INO80: variants seen among roughly 807,000 people sequenced by gnomAD.
INO80 encodes the protein INO80 complex ATPase subunit.
INO80 carries 20 observed loss-of-function variants against 203.4 expected under a neutral mutation model. The ratio of observed to expected loss-of-function variants is 0.10; its 90% CI spans 0.07 to 0.14. The LOEUF is 0.14. Ranked by LOEUF, INO80 falls within the 10% of genes least tolerant of loss-of-function variation. The pLI is 1.00. For missense variants in INO80, 1,419 were observed against 1,914.4 expected, an observed-to-expected ratio of 0.74 and a Z score of 4.83; for synonymous variants, 726 against 685.2, an observed-to-expected ratio of 1.06 and a Z score of -0.93.
intron 19 of INO80, among the ~76,000 whole-genome samples, chr15:41,050,721 T>G (rs1222537747): frequency 1.3e-5 from 2 of 152,214 alleles, no homozygotes; most frequent in African/African-American, 2.4e-5. Context: ...TCCAGTTTCT[T>G]CCGGTTGTGA....
chr15:41,049,139 A>G (rs2044818941), intron 21 of INO80, 148 bp downstream of exon 21: 1 of 636,108 alleles, frequency 1.6e-6, no homozygotes, highest in East Asian at 3.0e-5. Flanking sequence ...AATTCCTTCC[A>G]TAAGATCCCT....
chr15:40,997,725 CT>C (rs760746514), intron 28 of INO80, 124 bp from the exon 29 acceptor site: 12 of 644,018 alleles, frequency 1.9e-5, no homozygotes, highest in Non-Finnish European at 3.4e-5. Flanking sequence ...TGGTGGTTAC[CT>C]AGGCCTGACT....
chr15:40,983,982 C>T (rs1372689114), intron 33 of INO80, 61 bp from the exon 34 acceptor site: 3 of 1,563,812 alleles, frequency 1.9e-6, no homozygotes, highest in Non-Finnish European at 2.6e-6. Context: ...TGGCCTTGCA[C>T]CCAGCTAGGA....
At chr15:41,097,088 CTTGT>C (rs750932192) in intron 1 of INO80, among the ~76,000 whole-genome samples, 144 of 152,332 alleles carry the variant, frequency 9.5e-4, no homozygotes, top group Non-Finnish European at 1.6e-3. Context: ...CCACCACTTT[CTTGT>C]TTGTTTTTGT....
Position 40,979,040 on chromosome 15 carries a change from T to C in INO80, c.*1183A>G, listed in dbSNP as rs144066616. On this transcript the variant is annotated 3_prime_UTR_variant, in exon 36 of 36. Coordinates refer to ENST00000648947, the MANE Select transcript of INO80 (RefSeq NM_017553.3). The stretch of plus-strand genomic sequence containing the variant: ...TTTTTCTGATTCCCTCTAAATAGCA[T>C]CTGTACACAGGAATCTGGGTTTGAG... 1 of 152,636 alleles carries C rather than the reference T, an allele frequency of 6.6e-6. No homozygotes were observed. The highest frequency in any genetic ancestry group is 2.1e-4 in the South Asian group (1 of 4,828). The allele number at this position is 152,636 out of a possible 1,614,324, so 9.5% of individuals were successfully genotyped here. A position where few individuals can be genotyped will look rare whatever the true frequency, so the allele number is the denominator to read the frequency against.
intron 27 of INO80, among the ~76,000 whole-genome samples, chr15:41,012,735 T>A (rs898436531): frequency 6.6e-6 from 1 of 152,130 alleles, no homozygotes; most frequent in African/African-American, 2.4e-5. Context: ...TTTTTGTTTT[T>A]CTTAGTGCCC....
intron 24 of INO80, among the ~76,000 whole-genome samples, chr15:41,032,063 G>GCACAGCACAGCACAGCACAGC (rs1303342631): frequency 5.1e-5 from 3 of 58,962 alleles, no homozygotes; most frequent in African/African-American, 1.7e-4. Context: ...CACAGCACAG[G>GCACAGCACAGCACAGCACAGC]ACAGCACAGG....
intron 24 of INO80, among the ~76,000 whole-genome samples, chr15:41,038,537 C>G (rs1160747955): frequency 6.6e-6 from 1 of 152,172 alleles, no homozygotes; most frequent in East Asian, 1.9e-4. Context: ...TAATCTCACT[C>G]TTTAGTTTTT....
intron 12 of INO80, 109 bp downstream of exon 12, chr15:41,071,740 C>A: frequency 1.0e-6 from 1 of 983,526 alleles, no homozygotes; most frequent in Non-Finnish European, 1.5e-6. Flanking sequence ...GAATTGCAGG[C>A]ATGAGCCACC....
intron 19 of INO80, among the ~76,000 whole-genome samples, chr15:41,051,313 C>T (rs993781204): frequency 3.3e-5 from 5 of 151,754 alleles, no homozygotes; most frequent in Non-Finnish European, 5.9e-5. Flanking sequence ...CCCCCATTCC[C>T]ACCATATTTT....
intron 4 of INO80, 119 bp from the exon 5 acceptor site, chr15:41,092,301 T>C: frequency 1.5e-6 from 1 of 663,548 alleles, no homozygotes; most frequent in Admixed American, 2.9e-5. Context: ...GTCACTCCAG[T>C]TCCCCTTATG....
intron 5 of INO80, among the ~76,000 whole-genome samples, chr15:41,088,928 C>A (rs1045900764): frequency 6.6e-6 from 1 of 152,020 alleles, no homozygotes; most frequent in East Asian, 1.9e-4. Context: ...ATGGCTCATG[C>A]CTGTAATACC....
intron 14 of INO80, among the ~76,000 whole-genome samples, chr15:41,061,450 C>CAAAAAAAAAAAAAA (rs980593225): frequency 1.3e-4 from 9 of 66,922 alleles, no homozygotes; most frequent in African/African-American, 4.7e-4. Context: ...ACCAAAAATA[C>CAAAAAAAAAAAAAA]AAAAAAAAAA....
At chr15:41,057,753 C>T (rs185325067) in intron 16 of INO80, among the ~76,000 whole-genome samples, 45 of 142,604 alleles carry the variant, frequency 3.2e-4, no homozygotes, top group African/African-American at 1.1e-3. Flanking sequence ...GCCGAGACTG[C>T]GCCACTGCAC....
In INO80 at chr15:40,979,947, G is replaced by A. The variant is rs528125662; in HGVS notation, c.*276C>T. ...AGGGGGTCTGTGTCAGGCTTGCCCC[G>A]TGAGAGGTTTAAGACTTGGCTATAC... On this transcript the variant is annotated 3_prime_UTR_variant, in exon 36 of 36. Coordinates refer to ENST00000648947, the MANE Select transcript of INO80 (RefSeq NM_017553.3). The A allele has an allele frequency of 4.4e-4, 208 of 474,214 alleles. 1 individual carries two copies. Among genetic ancestry groups the A allele is most frequent in the African/African-American group, 2.9e-3 (148 of 51,412 alleles). The allele number at this position is 474,214 out of a possible 1,614,324, so 29.4% of individuals were successfully genotyped here.
intron 19 of INO80, among the ~76,000 whole-genome samples, chr15:41,050,712 C>T (rs1485425968): frequency 1.3e-5 from 2 of 152,156 alleles, no homozygotes; most frequent in African/African-American, 4.8e-5. Flanking sequence ...CTTCCTGCCT[C>T]CAGTTTCTTC....
At chr15:41,056,527 G>T in intron 17 of INO80, 95 bp downstream of exon 17, 1 of 955,608 alleles carries the variant, frequency 1.0e-6, no homozygotes. Context: ...ATACAAAGCA[G>T]TAGCACTGCA....
At chr15:41,048,386 AC>A in intron 21 of INO80, 110 bp from the exon 22 acceptor site, 1 of 773,728 alleles carries the variant, frequency 1.3e-6, no homozygotes, top group African/African-American at 1.7e-5. Flanking sequence ...AAACTGTTTC[AC>A]TTTTAAGAAG....
chr15:41,076,216 C>G (rs2045399742), intron 9 of INO80, among the ~76,000 whole-genome samples: 1 of 152,154 alleles, frequency 6.6e-6, no homozygotes, highest in Admixed American at 6.6e-5. Context: ...CAAAAATTAG[C>G]CAGGCATGGT....
Sources: gnomAD v4.1 joint callset for allele counts (sites outside exome capture counted in the v4.1 genomes callset) on GRCh38, gnomAD v4.1.1 for gene constraint, MANE v1.5 for transcripts, NCBI Gene and HGNC (gene_info 2026-07-23, HGNC 2026-07-21) for gene names.